Variants in PTPRD observed in about 807,000 individuals in gnomAD.
PTPRD encodes protein tyrosine phosphatase receptor type D, also known as receptor-type tyrosine-protein phosphatase delta.
In PTPRD, 34 loss-of-function variants were observed where a neutral mutation model predicts 214.5. The ratio of observed to expected loss-of-function variants is 0.16; its 90% CI spans 0.12 to 0.21. The LOEUF (loss-of-function observed/expected upper bound fraction) is 0.21, where lower values mean the gene tolerates loss of function less well. PTPRD is among the 10% of genes least tolerant of loss of function. PTPRD has a pLI of 1.00. For synonymous variants in PTPRD, 1,128 were observed against 845.7 expected (o/e 1.33, Z -5.79); for missense variants, 2,545 against 2,398.7 (o/e 1.06, Z -1.27).
At chr9:8,420,296 G>T (rs773754202) in intron 35 of PTPRD, among the ~76,000 whole-genome samples, 12 of 152,162 alleles carry the variant, frequency 7.9e-5, no homozygotes, top group Non-Finnish European at 1.6e-4. Flanking sequence ...TATGAGATGA[G>T]CTGAATATAA....
chr9:8,626,476 T>C (rs766692598), intron 14 of PTPRD, among the ~76,000 whole-genome samples: 1 of 151,868 alleles, frequency 6.6e-6, no homozygotes, highest in East Asian at 1.9e-4. Flanking sequence ...TAATGGTTAA[T>C]TGTACGTGTC....
chr9:9,943,243 A>G (rs913104220), intron 4 of PTPRD, among the ~76,000 whole-genome samples: 1 of 152,176 alleles, frequency 6.6e-6, no homozygotes, highest in Non-Finnish European at 1.5e-5. Context: ...AGTTGTTACA[A>G]AAGATGGCCT....
chr9:9,500,739 C>G (rs2096384553), intron 8 of PTPRD, among the ~76,000 whole-genome samples: 1 of 151,810 alleles, frequency 6.6e-6, no homozygotes, highest in Non-Finnish European at 1.5e-5. Flanking sequence ...ATATAGAAGA[C>G]TTTTTTTTCT....
intron 2 of PTPRD, among the ~76,000 whole-genome samples, chr9:10,463,617 A>C (rs1051201696): frequency 6.6e-5 from 10 of 151,396 alleles, no homozygotes. Context: ...AAGGAAAAAG[A>C]GGGTTTTTTT....
chr9:9,584,325 A>G (rs768242511), intron 7 of PTPRD, among the ~76,000 whole-genome samples: 4 of 136,498 alleles, frequency 2.9e-5, no homozygotes, highest in Non-Finnish European at 6.6e-5. Flanking sequence ...TTTGGAAAAG[A>G]AAGCTACTAC....
intron 5 of PTPRD, among the ~76,000 whole-genome samples, chr9:9,767,161 C>G (rs1345098817): frequency 2.0e-5 from 3 of 151,806 alleles, no homozygotes; most frequent in Non-Finnish European, 4.4e-5. Flanking sequence ...ATACAGATAT[C>G]AATTTTATGC....
At chr9:10,506,833 G>A (rs1049846242) in intron 2 of PTPRD, among the ~76,000 whole-genome samples, 1 of 152,010 alleles carries the variant, frequency 6.6e-6, no homozygotes, top group African/African-American at 2.4e-5. Context: ...ATTTCCTTAT[G>A]ATTAGACTAA....
chr9:8,749,062 T>C (rs2093232368), intron 11 of PTPRD, among the ~76,000 whole-genome samples: 1 of 152,196 alleles, frequency 6.6e-6, no homozygotes. Flanking sequence ...TAAATACATT[T>C]TCAAACACAG....
rs574759530 is a variant in PTPRD at position 9,426,593 on chromosome 9, C to A, written c.-236-29111G>T. Among the ~76,000 whole-genome samples, 54 of 152,262 alleles carry A rather than the reference C, an allele frequency of 3.5e-4. 1 individual carries two copies. Among genetic ancestry groups the A allele is most frequent in the Admixed American group, 2.9e-3 (44 of 15,292 alleles). ...CAGCACGGAGTTTGAGATCTGAGAA[C>A]GGAGAGACTGCCTCCTCAAGTGGGA... On this transcript the variant is annotated intron_variant, in intron 8 of 45. Coordinates refer to ENST00000381196, the MANE Select transcript of PTPRD (RefSeq NM_002839.4).
At chr9:8,463,921 C>A (rs7028797) in intron 32 of PTPRD, among the ~76,000 whole-genome samples, 42,448 of 151,572 alleles carry the variant, frequency 0.28, 6,598 homozygotes, top group African/African-American at 0.43. Flanking sequence ...CCTAGGCCTG[C>A]AAATATTTAT....
intron 3 of PTPRD, among the ~76,000 whole-genome samples, chr9:10,223,326 T>G (rs980807225): frequency 3.9e-5 from 6 of 151,906 alleles, no homozygotes; most frequent in African/African-American, 1.2e-4. Context: ...AAACTAAGAC[T>G]AGATTGAAAG....
intron 11 of PTPRD, among the ~76,000 whole-genome samples, chr9:8,850,140 G>T (rs536597622): frequency 6.6e-6 from 1 of 152,108 alleles, no homozygotes; most frequent in Non-Finnish European, 1.5e-5. Flanking sequence ...AGTATTTTGG[G>T]TTTACAAAAT....
intron 10 of PTPRD, among the ~76,000 whole-genome samples, chr9:9,144,750 C>CA (rs2099865890): frequency 6.6e-6 from 1 of 151,550 alleles, no homozygotes; most frequent in Non-Finnish European, 1.5e-5. Context: ...GAGACTCTGT[C>CA]AAAAAACAAA....
chr9:10,060,571 T>C (rs1372562530), intron 3 of PTPRD, among the ~76,000 whole-genome samples: 2 of 151,970 alleles, frequency 1.3e-5, no homozygotes, highest in African/African-American at 4.8e-5. Flanking sequence ...AGTATTTTTT[T>C]AATGTACATA....
intron 4 of PTPRD, among the ~76,000 whole-genome samples, chr9:10,023,288 A>T (rs16930832): frequency 0.028 from 4,249 of 152,234 alleles, 211 homozygotes; most frequent in African/African-American, 0.094. Context: ...AAACTTTTCT[A>T]ATAATGGAGA....
chr9:9,604,178 G>A (rs926618227), intron 7 of PTPRD, among the ~76,000 whole-genome samples: 4 of 151,996 alleles, frequency 2.6e-5, no homozygotes, highest in Non-Finnish European at 4.4e-5. Flanking sequence ...TGATTAAACT[G>A]TCTAAATGCA....
At chr9:8,913,688 C>G (rs1395899423) in intron 11 of PTPRD, among the ~76,000 whole-genome samples, 1 of 152,132 alleles carries the variant, frequency 6.6e-6, no homozygotes, top group East Asian at 1.9e-4. Context: ...CCCATACTTT[C>G]CCTTACCTTT....
chr9:10,024,719 T>C (rs1466715942), intron 4 of PTPRD, among the ~76,000 whole-genome samples: 2 of 151,036 alleles, frequency 1.3e-5, no homozygotes, highest in Admixed American at 1.3e-4. Context: ...CATGTTGGTG[T>C]GCTGCACCCA....
intron 8 of PTPRD, among the ~76,000 whole-genome samples, chr9:9,520,807 A>ACGAGT (rs1282827014): frequency 1.3e-5 from 2 of 152,168 alleles, no homozygotes; most frequent in African/African-American, 4.8e-5. Context: ...AAAGCAGTCT[A>ACGAGT]CGAGTCGTAG....
Sources: allele counts gnomAD v4.1 joint callset (sites outside exome capture counted in the v4.1 genomes callset), GRCh38; gene constraint gnomAD v4.1.1; transcripts MANE v1.5; gene names NCBI Gene and HGNC (gene_info 2026-07-23, HGNC 2026-07-21).